NRXN1: variants seen among roughly 807,000 people sequenced by gnomAD.
The protein encoded by NRXN1 is neurexin-1.
NRXN1 carries 39 observed loss-of-function variants against 150.9 expected under a neutral mutation model. The observed-to-expected ratio is 0.26, with a 90% CI of 0.20 to 0.34. The LOEUF is 0.34. Ranked by LOEUF, NRXN1 falls within the 10% of genes least tolerant of loss-of-function variation. The pLI, the probability that NRXN1 is intolerant of heterozygous loss-of-function variation, is 1.00. For synonymous variants in NRXN1, 924 were observed against 757.0 expected, an observed-to-expected ratio of 1.22 and a Z score of -3.62; for missense variants, 1,815 against 1,949.9, an observed-to-expected ratio of 0.93 and a Z score of 1.30.
chr2:50,257,914 T>G (rs559424497), intron 17 of NRXN1, among the ~76,000 whole-genome samples: 1 of 152,100 alleles, frequency 6.6e-6, no homozygotes, highest in Admixed American at 6.6e-5. Flanking sequence ...GGTTTCCCAG[T>G]GCATATAAAG....
At chr2:50,510,516 A>G (rs528011376) in intron 12 of NRXN1, among the ~76,000 whole-genome samples, 116 of 143,890 alleles carry the variant, frequency 8.1e-4, no homozygotes, top group Middle Eastern at 3.6e-3. Context: ...AAAAAAAACC[A>G]CAAAAGAAAA....
At chr2:50,262,686 A>ATTTTAGTTG (rs1381156742) in intron 17 of NRXN1, among the ~76,000 whole-genome samples, 1 of 152,012 alleles carries the variant, frequency 6.6e-6, no homozygotes, top group Admixed American at 6.6e-5. Flanking sequence ...CTAGCAGTCA[A>ATTTTAGTTG]TTTTAGTTGT....
intron 2 of NRXN1, among the ~76,000 whole-genome samples, chr2:51,012,507 C>T (rs1475854496): frequency 1.3e-5 from 2 of 152,006 alleles, no homozygotes; most frequent in Non-Finnish European, 2.9e-5. Context: ...TACCTTATTA[C>T]AGATCTTCAT....
chr2:50,431,551 TA>T (rs1405776569), intron 17 of NRXN1, among the ~76,000 whole-genome samples: 3 of 152,214 alleles, frequency 2.0e-5, no homozygotes, highest in East Asian at 3.8e-4. Context: ...TTTTTATTTT[TA>T]TTTTTTTAAA....
chr2:50,652,719 T>C (rs1471381799), intron 5 of NRXN1, among the ~76,000 whole-genome samples: 1 of 152,064 alleles, frequency 6.6e-6, no homozygotes, highest in Non-Finnish European at 1.5e-5. Context: ...TACCTATGAG[T>C]GGAACAGCTG....
intron 18 of NRXN1, among the ~76,000 whole-genome samples, chr2:50,101,973 A>T (rs1465689972): frequency 6.6e-6 from 1 of 152,010 alleles, no homozygotes; most frequent in East Asian, 1.9e-4. Flanking sequence ...ATTGACTTCT[A>T]GTCCAGGACT....
At chr2:50,455,985 T>C (rs182030857) in intron 17 of NRXN1, among the ~76,000 whole-genome samples, 1 of 152,252 alleles carries the variant, frequency 6.6e-6, no homozygotes, top group Admixed American at 6.5e-5. Flanking sequence ...AACTGCCAAA[T>C]ATCAAAATAT....
At chr2:50,918,850 T>C (rs1294415091) in intron 5 of NRXN1, 1 of 227,508 alleles carries the variant, frequency 4.4e-6, no homozygotes, top group East Asian at 8.1e-5. Flanking sequence ...CCCAAAAAAA[T>C]GTGATCCAAA....
At chr2:50,563,626 C>T (rs1285671112) in intron 8 of NRXN1, among the ~76,000 whole-genome samples, 2 of 152,140 alleles carry the variant, frequency 1.3e-5, no homozygotes, top group East Asian at 1.9e-4. Flanking sequence ...TGAGGTCACA[C>T]TGCTATTGTT....
chr2:50,888,058 G>A (rs1000677938), intron 5 of NRXN1, among the ~76,000 whole-genome samples: 4 of 150,978 alleles, frequency 2.6e-5, no homozygotes, highest in Admixed American at 1.3e-4. Context: ...TTTCTACACT[G>A]AGAAACAATG....
chr2:49,997,635 T>TA (rs1486267888), intron 21 of NRXN1, among the ~76,000 whole-genome samples: 2 of 152,176 alleles, frequency 1.3e-5, no homozygotes, highest in Non-Finnish European at 2.9e-5. Context: ...CCTTTGGCTT[T>TA]GAGAAGCTTA....
chr2:50,852,666 A>G (rs1174766538), intron 5 of NRXN1, among the ~76,000 whole-genome samples: 1 of 152,170 alleles, frequency 6.6e-6, no homozygotes, highest in Non-Finnish European at 1.5e-5. Context: ...TCTCATTCAT[A>G]TATACACACT....
At chr2:50,869,895 T>C (rs1055228770) in intron 5 of NRXN1, among the ~76,000 whole-genome samples, 2 of 151,916 alleles carry the variant, frequency 1.3e-5, no homozygotes, top group Non-Finnish European at 2.9e-5. Flanking sequence ...ACATCATTCA[T>C]TTATTGAATA....
At chr2:50,685,048 A>T (rs567481968) in intron 5 of NRXN1, among the ~76,000 whole-genome samples, 1 of 152,218 alleles carries the variant, frequency 6.6e-6, no homozygotes, top group Non-Finnish European at 1.5e-5. Context: ...CTTTCCAAAC[A>T]TTATTATAAA....
At chr2:50,997,268 T>C (rs1274128523) in intron 2 of NRXN1, among the ~76,000 whole-genome samples, 1 of 151,746 alleles carries the variant, frequency 6.6e-6, no homozygotes, top group Non-Finnish European at 1.5e-5. Context: ...ACCCCATCTC[T>C]ACAAAAAATA....
chr2:50,520,369 G>C (rs1573375538), intron 12 of NRXN1, among the ~76,000 whole-genome samples: 1 of 151,530 alleles, frequency 6.6e-6, no homozygotes, highest in African/African-American at 2.4e-5. Flanking sequence ...ATATTGGTGG[G>C]ATTGGTTTAA....
intron 5 of NRXN1, chr2:50,630,956 A>G (rs1682203304): frequency 2.9e-6 from 1 of 346,998 alleles, no homozygotes; most frequent in Non-Finnish European, 5.7e-6. Flanking sequence ...ACTTTAGAAA[A>G]GCAGAAAAGG....
intron 17 of NRXN1, among the ~76,000 whole-genome samples, chr2:50,337,399 T>A (rs1376947364): frequency 6.6e-6 from 1 of 152,176 alleles, no homozygotes; most frequent in African/African-American, 2.4e-5. Context: ...GCATGGACTT[T>A]CTAATTGGCC....
chr2:50,366,965 C>G (rs1046386058), intron 17 of NRXN1, among the ~76,000 whole-genome samples: 13 of 151,926 alleles, frequency 8.6e-5, no homozygotes, highest in African/African-American at 3.1e-4. Flanking sequence ...AAATACACGC[C>G]TAATGGATAT....
Sources: allele counts gnomAD v4.1 joint callset (sites outside exome capture counted in the v4.1 genomes callset), GRCh38; gene constraint gnomAD v4.1.1; transcripts MANE v1.5; gene names NCBI Gene and HGNC (gene_info 2026-07-23, HGNC 2026-07-21).